Variants in MPDZ observed in about 807,000 individuals in gnomAD.
MPDZ encodes multiple PDZ domain protein.
Under a neutral mutation model 239.1 loss-of-function variants are expected in MPDZ, and 234 were observed. The ratio of observed to expected loss-of-function variants is 0.98; its 90% CI spans 0.88 to 1.09. The LOEUF (loss-of-function observed/expected upper bound fraction) is 1.09. Among genes scored for constraint, MPDZ ranks in the 50% least tolerant of loss-of-function variants. The pLI is 0.00. For missense variants in MPDZ, 3,175 were observed against 2,510.0 expected, an observed-to-expected ratio of 1.26 and a Z score of -5.66; for synonymous variants, 1,048 against 881.3, an observed-to-expected ratio of 1.19 and a Z score of -3.35.
intron 10 of MPDZ, among the ~76,000 whole-genome samples, chr9:13,207,068 T>C (rs1365638157): frequency 6.6e-6 from 1 of 152,128 alleles, no homozygotes; most frequent in Non-Finnish European, 1.5e-5. Context: ...GATTAAAAGG[T>C]ATAGAAGACA....
In MPDZ at chr9:13,115,351, G is replaced by A. The variant is rs1446679029; in HGVS notation, c.5380-17C>T. The stretch of plus-strand genomic sequence containing the variant: ...TAGGGAACACTGGGGGTGGGCATGG[G>A]GGGTGTTTTATGGAAATGTTTAAAT... On this transcript the variant is annotated splice_polypyrimidine_tract_variant and intron_variant, in intron 39 of 46. Coordinates refer to ENST00000319217, the MANE Select transcript of MPDZ (RefSeq NM_001378778.1). 7.5e-6 allele frequency: 12 copies of A among 1,593,680 alleles called. No homozygotes were observed. Among genetic ancestry groups the A allele is most frequent in the African/African-American group, 1.3e-5 (1 of 74,592 alleles).
chr9:13,279,407 G>C lies in MPDZ; in HGVS notation c.-65C>G, dbSNP rs954762824. 2.7e-5 allele frequency: 4 copies of C among 146,794 alleles called. No individual in the cohort carries two copies. The highest frequency in any genetic ancestry group is 4.9e-5 in the African/African-American group (2 of 40,608). The allele number at this position is 146,794 out of a possible 1,614,324, so 9.1% of individuals were successfully genotyped here. A position where few individuals can be genotyped will look rare whatever the true frequency, so the allele number is the denominator to read the frequency against. ...GGCTCAAGCGCCGCTTACCCGGCTC[G>C]CGGCGCCCGCCCAGGGCCGCGACGC... is the stretch of plus-strand genomic sequence containing the variant. On this transcript the variant is annotated 5_prime_UTR_variant, in exon 1 of 47. Transcript: ENST00000319217.
chr9:13,114,163 G>C (rs1942979690), intron 40 of MPDZ, 142 bp from the exon 41 acceptor site: 3 of 692,138 alleles, frequency 4.3e-6, no homozygotes, highest in South Asian at 3.6e-5. Context: ...TTTAAACACA[G>C]TTCCTACTGA....
intron 10 of MPDZ, among the ~76,000 whole-genome samples, chr9:13,206,455 C>T (rs1190534535): frequency 6.6e-6 from 1 of 152,008 alleles, no homozygotes; most frequent in Non-Finnish European, 1.5e-5. Context: ...GTGGTGCAAT[C>T]ATGGCTTCCT....
At chr9:13,277,109 C>T (rs1974391522) in intron 1 of MPDZ, among the ~76,000 whole-genome samples, 1 of 152,132 alleles carries the variant, frequency 6.6e-6, no homozygotes, top group African/African-American at 2.4e-5. Flanking sequence ...TTAAATGCAT[C>T]TGAAAAGGAA....
Position 13,121,382 on chromosome 9 carries a change from C to G in MPDZ, c.5231+357G>C, listed in dbSNP as rs112253228. The stretch of plus-strand genomic sequence containing the variant: ...CATCTTTGTCACTCATCAATAGATT[C>G]CTTTGTTGCAAGAATATATTTAATT... On this transcript the variant is annotated intron_variant, in intron 38 of 46. Coordinates refer to ENST00000319217, the MANE Select transcript of MPDZ (RefSeq NM_001378778.1). 4.6e-5 allele frequency among the ~76,000 whole-genome samples: 7 copies of G among 152,260 alleles called. No homozygotes were observed. In the East Asian group the frequency reaches 1.4e-3, roughly 29 times the overall value.
chr9:13,246,578 T>C (rs1966641620), intron 3 of MPDZ, among the ~76,000 whole-genome samples: 1 of 152,232 alleles, frequency 6.6e-6, no homozygotes, highest in Admixed American at 6.5e-5. Context: ...TATAGAAAGG[T>C]ATTTGTGAAG....
At chr9:13,259,470 G>A (rs1202374167) in intron 1 of MPDZ, among the ~76,000 whole-genome samples, 4 of 152,138 alleles carry the variant, frequency 2.6e-5, no homozygotes, top group African/African-American at 7.2e-5. Flanking sequence ...TAGCAGCATT[G>A]GAGAAATGAT....
intron 1 of MPDZ, among the ~76,000 whole-genome samples, chr9:13,258,044 G>A (rs1969847016): frequency 6.6e-6 from 1 of 152,106 alleles, no homozygotes; most frequent in South Asian, 2.1e-4. Flanking sequence ...TTTTACCTGT[G>A]ACCATATGAT....
intron 10 of MPDZ, among the ~76,000 whole-genome samples, chr9:13,215,720 G>C (rs1421958240): frequency 6.8e-6 from 1 of 146,460 alleles, no homozygotes; most frequent in East Asian, 2.0e-4. Flanking sequence ...TAAACACTAA[G>C]GTAAAACAGA....
At chr9:13,260,343 G>C (rs1387451243) in intron 1 of MPDZ, among the ~76,000 whole-genome samples, 1 of 152,122 alleles carries the variant, frequency 6.6e-6, no homozygotes, top group Non-Finnish European at 1.5e-5. Flanking sequence ...AGAGATGTAA[G>C]TACTGTGACA....
chr9:13,107,497 G>A (rs1043508512), intron 46 of MPDZ, among the ~76,000 whole-genome samples: 1 of 152,144 alleles, frequency 6.6e-6, no homozygotes, highest in Non-Finnish European at 1.5e-5. Context: ...GAAGGTAAAG[G>A]ATTAGGTAGG....
intron 32 of MPDZ, among the ~76,000 whole-genome samples, chr9:13,127,206 C>T (rs1165002512): frequency 6.6e-6 from 1 of 152,136 alleles, no homozygotes; most frequent in Non-Finnish European, 1.5e-5. Context: ...TCTTTTCTGC[C>T]CCTCTTCTTC....
intron 32 of MPDZ, among the ~76,000 whole-genome samples, chr9:13,131,820 A>T (rs1946039261): frequency 6.6e-6 from 1 of 152,050 alleles, no homozygotes; most frequent in Admixed American, 6.6e-5. Flanking sequence ...TTTCTTCAGG[A>T]CCCCAGCTCC....
intron 1 of MPDZ, among the ~76,000 whole-genome samples, chr9:13,277,395 G>C (rs145667748): frequency 1.3e-5 from 2 of 152,268 alleles, no homozygotes; most frequent in African/African-American, 2.4e-5. Flanking sequence ...TCATTAGTTT[G>C]TTTGTTTTGG....
chr9:13,185,893 A>G (rs1299167861), intron 18 of MPDZ, among the ~76,000 whole-genome samples: 1 of 152,150 alleles, frequency 6.6e-6, no homozygotes, highest in Non-Finnish European at 1.5e-5. Flanking sequence ...GAAAAAAGAT[A>G]CCTATTACCT....
intron 10 of MPDZ, among the ~76,000 whole-genome samples, chr9:13,213,197 A>C (rs1050941694): frequency 1.3e-5 from 2 of 152,098 alleles, no homozygotes; most frequent in African/African-American, 4.8e-5. Flanking sequence ...TAGTCAAATT[A>C]TTTAAAGAAT....
chr9:13,226,824 G>C (rs924798149), intron 3 of MPDZ, among the ~76,000 whole-genome samples: 3 of 151,924 alleles, frequency 2.0e-5, no homozygotes, highest in Admixed American at 6.6e-5. Context: ...GCCTTATACA[G>C]AGTTGTTCAA....
At chr9:13,129,464 AAAATAAATAAAT>A (rs144016881) in intron 32 of MPDZ, among the ~76,000 whole-genome samples, 2 of 151,018 alleles carry the variant, frequency 1.3e-5, no homozygotes, top group East Asian at 1.9e-4. Flanking sequence ...CTCAGTCTCA[AAAATAAATAAAT>A]AAATAAATAA....
Sources: allele counts gnomAD v4.1 joint callset (sites outside exome capture counted in the v4.1 genomes callset), GRCh38; gene constraint gnomAD v4.1.1; transcripts MANE v1.5; gene names NCBI Gene and HGNC (gene_info 2026-07-23, HGNC 2026-07-21).